The following VWC2L variants were observed in gnomAD, a reference collection of about 807,000 sequenced individuals.
The protein encoded by VWC2L is von Willebrand factor C domain-containing protein 2-like.
A neutral mutation model predicts 21.6 loss-of-function variants in VWC2L; 10 were observed. That is an observed-to-expected ratio of 0.46 (90% CI 0.29 to 0.78). The LOEUF (loss-of-function observed/expected upper bound fraction) is 0.78, where lower values mean the gene tolerates loss of function less well. Ranked by LOEUF, VWC2L falls within the 30% of genes least tolerant of loss-of-function variation. VWC2L has a pLI of 0.10. For synonymous variants in VWC2L, 96 were observed against 94.3 expected, an observed-to-expected ratio of 1.02 and a Z score of -0.10; for missense variants, 209 against 277.1, an observed-to-expected ratio of 0.75 and a Z score of 1.74.
chr2:214,568,951 C>T (rs1339968814), intron 3 of VWC2L, among the ~76,000 whole-genome samples: 1 of 152,170 alleles, frequency 6.6e-6, no homozygotes, highest in Non-Finnish European at 1.5e-5. Flanking sequence ...CACCCTCCAG[C>T]CCTTTTCTTC....
intron 3 of VWC2L, among the ~76,000 whole-genome samples, chr2:214,511,003 A>G (rs972051821): frequency 3.5e-4 from 53 of 152,196 alleles, no homozygotes; most frequent in African/African-American, 1.2e-3. Flanking sequence ...TTGTAAAAGT[A>G]AGGCTGGGCA....
chr2:214,423,860 G>A (rs1702478261), intron 2 of VWC2L, among the ~76,000 whole-genome samples: 5 of 151,938 alleles, frequency 3.3e-5, no homozygotes, highest in Admixed American at 3.3e-4. Flanking sequence ...AGCAAAATTA[G>A]CTGTGCTTTC....
At chr2:214,477,139 G>C (rs1276128955) in intron 3 of VWC2L, among the ~76,000 whole-genome samples, 1 of 152,194 alleles carries the variant, frequency 6.6e-6, no homozygotes, top group African/African-American at 2.4e-5. Context: ...TGAAGCATCA[G>C]GCATATATAA....
chr2:214,460,798 T>C (rs1171146386), intron 3 of VWC2L, among the ~76,000 whole-genome samples: 2 of 108,006 alleles, frequency 1.9e-5, no homozygotes, highest in Non-Finnish European at 4.0e-5. Context: ...GGTGAATTAT[T>C]GTGTTTTTTT....
At chr2:214,526,011 A>G (rs1249564685) in intron 3 of VWC2L, among the ~76,000 whole-genome samples, 4 of 151,948 alleles carry the variant, frequency 2.6e-5, no homozygotes, top group Non-Finnish European at 5.9e-5. Flanking sequence ...TTCTCAGCAT[A>G]TAAGTACCCA....
chr2:214,505,499 G>A (rs1688955522), intron 3 of VWC2L, among the ~76,000 whole-genome samples: 1 of 150,458 alleles, frequency 6.6e-6, no homozygotes, highest in African/African-American at 2.5e-5. Context: ...TTTTTTTTCT[G>A]ATTAAGAAAT....
chr2:214,493,567 A>G (rs945041563), intron 3 of VWC2L, among the ~76,000 whole-genome samples: 3 of 152,036 alleles, frequency 2.0e-5, no homozygotes, highest in African/African-American at 4.8e-5. Context: ...GGTGGCCACT[A>G]TTGGTTTTCT....
chr2:214,530,570 C>G (rs1236991645), intron 3 of VWC2L, among the ~76,000 whole-genome samples: 2 of 152,016 alleles, frequency 1.3e-5, no homozygotes, highest in Non-Finnish European at 1.5e-5. Context: ...TGGGCTCACA[C>G]CTTCCTGGGA....
chr2:214,527,655 T>C (rs565511407), intron 3 of VWC2L, among the ~76,000 whole-genome samples: 1 of 152,270 alleles, frequency 6.6e-6, no homozygotes, highest in Admixed American at 6.5e-5. Flanking sequence ...CCATCTGAGC[T>C]GGTAAGAGAT....
chr2:214,526,593 G>A (rs183996044), intron 3 of VWC2L, among the ~76,000 whole-genome samples: 44 of 152,246 alleles, frequency 2.9e-4, no homozygotes, highest in Admixed American at 2.0e-3. Flanking sequence ...CCTCATTATC[G>A]TAAGCTTCTC....
chr2:214,500,049 G>T (rs1049577332), intron 3 of VWC2L, among the ~76,000 whole-genome samples: 42 of 152,304 alleles, frequency 2.8e-4, no homozygotes, highest in African/African-American at 1.0e-3. Context: ...GAATATTCAT[G>T]AGAGAATTGC....
chr2:214,498,631 A>G (rs1688843974), intron 3 of VWC2L, among the ~76,000 whole-genome samples: 1 of 150,182 alleles, frequency 6.7e-6, no homozygotes, highest in African/African-American at 2.4e-5. Flanking sequence ...AATAAGTTAT[A>G]TCTCTATATG....
At chr2:214,519,182 G>C (rs1481821962) in intron 3 of VWC2L, among the ~76,000 whole-genome samples, 1 of 152,186 alleles carries the variant, frequency 6.6e-6, no homozygotes, top group Non-Finnish European at 1.5e-5. Flanking sequence ...TCCTGGAATT[G>C]CAAAGCCTGT....
At chr2:214,532,598 A>G (rs1689454349) in intron 3 of VWC2L, among the ~76,000 whole-genome samples, 1 of 152,120 alleles carries the variant, frequency 6.6e-6, no homozygotes, top group African/African-American at 2.4e-5. Context: ...ATATCCCTTC[A>G]TTTTTTAGCT....
intron 2 of VWC2L, 79 bp from the exon 3 acceptor site, chr2:214,436,550 G>A (rs867209057): frequency 1.9e-6 from 3 of 1,538,632 alleles, no homozygotes; most frequent in Non-Finnish European, 1.8e-6. Flanking sequence ...AAGCACTGAT[G>A]TTTTGTCTTC....
At chr2:214,452,381 T>G (rs943359208) in intron 3 of VWC2L, among the ~76,000 whole-genome samples, 2 of 152,176 alleles carry the variant, frequency 1.3e-5, no homozygotes, top group African/African-American at 2.4e-5. Flanking sequence ...CTTTTTCATC[T>G]AGCTTTTTTC....
intron 3 of VWC2L, among the ~76,000 whole-genome samples, chr2:214,457,732 G>A (rs1703077720): frequency 6.6e-6 from 1 of 152,044 alleles, no homozygotes; most frequent in Non-Finnish European, 1.5e-5. Context: ...CTCTTGAGAT[G>A]ATCACAATCA....
intron 3 of VWC2L, among the ~76,000 whole-genome samples, chr2:214,438,442 G>A (rs971082082): frequency 6.6e-6 from 1 of 151,592 alleles, no homozygotes; most frequent in African/African-American, 2.4e-5. Context: ...AAGTCCTTGA[G>A]GCTCTTGCCT....
intron 3 of VWC2L, among the ~76,000 whole-genome samples, chr2:214,528,783 G>A (rs1689384220): frequency 6.6e-6 from 1 of 152,038 alleles, no homozygotes; most frequent in African/African-American, 2.4e-5. Flanking sequence ...AAAGGAAACT[G>A]CAGAATACCT....
Sources: allele counts gnomAD v4.1 joint callset (sites outside exome capture counted in the v4.1 genomes callset), GRCh38; gene constraint gnomAD v4.1.1; transcripts MANE v1.5; gene names NCBI Gene and HGNC (gene_info 2026-07-23, HGNC 2026-07-21).